Variants in UBE2Z observed in about 807,000 individuals in gnomAD.
UBE2Z encodes the protein ubiquitin conjugating enzyme E2 Z.
UBE2Z carries 10 observed loss-of-function variants against 32.6 expected under a neutral mutation model. The observed-to-expected ratio is 0.31, with a 90% CI of 0.19 to 0.52. The LOEUF (loss-of-function observed/expected upper bound fraction) is 0.52, where lower values mean the gene tolerates loss of function less well. UBE2Z is among the 20% of genes least tolerant of loss of function. UBE2Z has a pLI of 0.97. For synonymous variants in UBE2Z, 183 were observed against 190.8 expected (o/e 0.96, Z 0.34); for missense variants, 343 against 480.9 (o/e 0.71, Z 2.68).
intron 4 of UBE2Z, 69 bp downstream of exon 4, chr17:48,916,256 TTG>T: frequency 1.1e-5 from 9 of 826,036 alleles, no homozygotes; most frequent in African/African-American, 7.0e-5. Flanking sequence ...GTTGGTTTTT[TTG>T]TTTTTTTTTT....
intron 6 of UBE2Z, 141 bp from the exon 7 acceptor site, chr17:48,926,823 T>A (rs1393924142): frequency 7.9e-6 from 7 of 884,668 alleles, no homozygotes; most frequent in Non-Finnish European, 1.0e-5. Context: ...GCCTGCTGTT[T>A]GGGACTGCCT....
At position 48,927,326 on chromosome 17, in the gene UBE2Z, T is replaced by A; in HGVS notation, c.*192T>A. The A allele has an allele frequency of 1.7e-6, 1 of 600,940 alleles. No homozygotes were observed. The highest frequency in any genetic ancestry group is 2.9e-6 in the Non-Finnish European group (1 of 345,868). 37.2% of individuals were successfully genotyped at this position (600,940 alleles called of 1,614,324 possible). On this transcript the variant is annotated 3_prime_UTR_variant, in exon 7 of 7. Coordinates refer to ENST00000360943, the MANE Select transcript of UBE2Z (RefSeq NM_023079.5). ...GTTCCCGGTCTGACCTCCTTGGCAC[T>A]GGAGCATCTGGGGCTTCGTTCATCC...
intron 5 of UBE2Z, 99 bp from the exon 6 acceptor site, chr17:48,922,748 C>T (rs2088139): frequency 0.48 from 390,870 of 821,422 alleles, 99,776 homozygotes; most frequent in East Asian, 0.71. Flanking sequence ...ACATGGGCTA[C>T]AGAGCAAGAC....
chr17:48,912,657 C>T, intron 2 of UBE2Z, 177 bp from the exon 3 acceptor site: 1 of 624,566 alleles, frequency 1.6e-6, no homozygotes, highest in Non-Finnish European at 2.7e-6. Flanking sequence ...CTTAAAATTC[C>T]AAACCTACGT....
At position 48,916,147 on chromosome 17, in the gene UBE2Z, T is replaced by C; in HGVS notation, c.650T>C (p.Met217Thr). ...SSVLISIQSL[M>T]TENPYHNEPG... ...GTGCTCATCTCTATCCAGTCCCTGA[T>C]GACTGAGAACCCCTATCACAATGAG... Residue 217 changes from methionine to threonine, a missense_variant, in exon 4 of 7, where the codon ATG (methionine) becomes ACG (threonine). Transcript: ENST00000360943. 1 of 1,585,728 alleles carries C rather than the reference T, an allele frequency of 6.3e-7. No individual in the cohort carries two copies. Among genetic ancestry groups the C allele is most frequent in the Non-Finnish European group, 8.6e-7 (1 of 1,168,066 alleles).
In UBE2Z at chr17:48,927,716, C is replaced by G. The variant is rs1288681611; in HGVS notation, c.*582C>G. 6.5e-6 allele frequency: 1 copy of G among 153,306 alleles called. No homozygotes were observed. The highest frequency in any genetic ancestry group is 2.4e-5 in the African/African-American group (1 of 41,412). The allele number at this position is 153,306 out of a possible 1,614,324, so 9.5% of individuals were successfully genotyped here. A position where few individuals can be genotyped will look rare whatever the true frequency, so the allele number is the denominator to read the frequency against. Reference sequence around the variant, plus strand: ...TTTATAGTCACTGTTCTAGACAGACCAAAGAGAAGGAACAGTGGTGGAGTC... The same window carrying G: ...TTTATAGTCACTGTTCTAGACAGACGAAAGAGAAGGAACAGTGGTGGAGTC... On this transcript the variant is annotated 3_prime_UTR_variant, in exon 7 of 7. Coordinates refer to ENST00000360943, the MANE Select transcript of UBE2Z (RefSeq NM_023079.5).
chr17:48,909,288 T>C (rs911573868), intron 1 of UBE2Z, among the ~76,000 whole-genome samples: 16 of 150,792 alleles, frequency 1.1e-4, no homozygotes, highest in African/African-American at 3.7e-4. Context: ...CGAACTCAGC[T>C]TCCTTTGCCA....
At position 48,927,380 on chromosome 17, in the gene UBE2Z, CTTT is replaced by C. The variant is rs1441858380; in HGVS notation, c.*247_*249del. 4.1e-6 allele frequency: 2 copies of C among 484,772 alleles called. No homozygotes were observed. Among genetic ancestry groups the C allele is most frequent in the East Asian group, 6.7e-5 (2 of 29,928 alleles). The allele number at this position is 484,772 out of a possible 1,614,324, so 30.0% of individuals were successfully genotyped here. Reference sequence around the variant, plus strand: ...CATCCCGTATCAGGGGCCAAGGTACCTTTACAGGAGCACCTAGAGCGAGGGCCT... The same window carrying C: ...CATCCCGTATCAGGGGCCAAGGTACCACAGGAGCACCTAGAGCGAGGGCCT... On this transcript the variant is annotated 3_prime_UTR_variant, in exon 7 of 7. Coordinates refer to ENST00000360943, the MANE Select transcript of UBE2Z (RefSeq NM_023079.5).
chr17:48,918,205 T>C (rs1437843338), intron 4 of UBE2Z, among the ~76,000 whole-genome samples: 1 of 152,200 alleles, frequency 6.6e-6, no homozygotes, highest in Non-Finnish European at 1.5e-5. Flanking sequence ...CTGAAAGTGC[T>C]GGGATTACAG....
chr17:48,909,202 C>A (rs1166222735), intron 1 of UBE2Z, among the ~76,000 whole-genome samples: 3 of 147,908 alleles, frequency 2.0e-5, no homozygotes, highest in Non-Finnish European at 3.0e-5. Context: ...CCCACCCCAA[C>A]CTTGCTAGAT....
chr17:48,925,085 C>A (rs8079462), intron 6 of UBE2Z, among the ~76,000 whole-genome samples: 22,581 of 151,656 alleles, frequency 0.15, 3,516 homozygotes, highest in African/African-American at 0.39. Flanking sequence ...GAGTTTGAGA[C>A]CAGCCTGGCC....
chr17:48,913,754 A>G (rs2040698504), intron 3 of UBE2Z, among the ~76,000 whole-genome samples: 1 of 152,198 alleles, frequency 6.6e-6, no homozygotes, highest in Admixed American at 6.5e-5. Flanking sequence ...TCTCCTGAAC[A>G]GGTTGAGAAA....
Position 48,922,949 on chromosome 17 carries a change from C to G in UBE2Z, c.894+12C>G. Reference sequence around the variant, plus strand: ...GCCAAACTATGCAGGTAATACAACCCCTGCTGCTAATTGCAGAAGCCCTAC... The same window carrying G: ...GCCAAACTATGCAGGTAATACAACCGCTGCTGCTAATTGCAGAAGCCCTAC... On this transcript the variant is annotated intron_variant, in intron 6 of 6. Coordinates refer to ENST00000360943, the MANE Select transcript of UBE2Z (RefSeq NM_023079.5). 1 of 1,603,234 alleles carries G rather than the reference C, an allele frequency of 6.2e-7. No individual in the cohort carries two copies. Among genetic ancestry groups the G allele is most frequent in the Non-Finnish European group, 8.5e-7 (1 of 1,173,502 alleles).
Position 48,916,196 on chromosome 17 carries a change from A to C in UBE2Z, c.690+9A>C. 1 of 1,507,734 alleles carries C rather than the reference A, an allele frequency of 6.6e-7. No homozygotes were observed. Among genetic ancestry groups the C allele is most frequent in the Non-Finnish European group, 8.9e-7 (1 of 1,124,986 alleles). 93.4% of individuals were successfully genotyped at this position (1,507,734 alleles called of 1,614,324 possible). A position where few individuals can be genotyped will look rare whatever the true frequency, so the allele number is the denominator to read the frequency against. ...AGCCCGGCTTTGAACAGGTAAGGCC[A>C]GATGGGCCTGGCTCTGGGGTGTAGA... On this transcript the variant is annotated intron_variant, in intron 4 of 6. Coordinates refer to ENST00000360943, the MANE Select transcript of UBE2Z (RefSeq NM_023079.5).
Position 48,923,106 on chromosome 17 carries a change from G to T in UBE2Z, c.894+169G>T, listed in dbSNP as rs1246909014. The T allele has an allele frequency of 9.1e-5, 47 of 518,066 alleles. 2 individuals are homozygous for T. The highest frequency in any genetic ancestry group is 1.5e-4 in the Non-Finnish European group (45 of 296,272). The allele number at this position is 518,066 out of a possible 1,614,324, so 32.1% of individuals were successfully genotyped here. A position where few individuals can be genotyped will look rare whatever the true frequency, so the allele number is the denominator to read the frequency against. ...GGAGGCCAAGGCGGGCGGATCACGA[G>T]GTCGGGAAATTGAGACCATCCTGGC... On this transcript the variant is annotated intron_variant, in intron 6 of 6. Transcript: ENST00000360943.
In UBE2Z at chr17:48,926,985, G is replaced by A; in HGVS notation, c.916G>A (p.Gly306Ser). Residue 306 changes from glycine to serine, a missense_variant, in exon 7 of 7, where the codon GGC becomes AGC. Around this residue, in one of 4 missense-constraint regions of UBE2Z, gnomAD observed 182 missense variants for 312.4 expected, o/e 0.58. Coordinates refer to ENST00000360943, the MANE Select transcript of UBE2Z (RefSeq NM_023079.5). ...ACAGGACCCTTTTGGAGAGAAGCGGGGCCACTTTGACTACCAGTCCCTCTT... is the reference window on the plus strand; with the variant it reads ...ACAGGACCCTTTTGGAGAGAAGCGGAGCCACTTTGACTACCAGTCCCTCTT... ...TMQDPFGEKR[G>S]HFDYQSLLMR... 6.2e-7 allele frequency: 1 copy of A among 1,613,050 alleles called. No homozygotes were observed.
At chr17:48,911,513 T>G (rs1285824185) in intron 2 of UBE2Z, 9 of 152,404 alleles carry the variant, frequency 5.9e-5, no homozygotes, top group Admixed American at 5.9e-4. Flanking sequence ...CAGTTGCACT[T>G]AAACTGATGT....
intron 2 of UBE2Z, 125 bp from the exon 3 acceptor site, chr17:48,912,709 G>A: frequency 1.0e-6 from 1 of 968,240 alleles, no homozygotes; most frequent in Admixed American, 2.1e-5. Flanking sequence ...TGCATGGTGA[G>A]GATATAGAAC....
At chr17:48,913,893 T>TTTTTG (rs1057427961) in intron 3 of UBE2Z, among the ~76,000 whole-genome samples, 35 of 151,740 alleles carry the variant, frequency 2.3e-4, no homozygotes, top group East Asian at 9.7e-4. Context: ...GTTTTGTTTG[T>TTTTTG]TTTTGTTTTG....
Sources: allele counts gnomAD v4.1 joint callset (sites outside exome capture counted in the v4.1 genomes callset), GRCh38; gene constraint gnomAD v4.1.1; regional missense constraint gnomAD v4.1.1; transcripts MANE v1.5; gene names NCBI Gene and HGNC (gene_info 2026-07-23, HGNC 2026-07-21).